Variants in STK32A observed in about 807,000 individuals in gnomAD.
The protein encoded by STK32A is serine/threonine-protein kinase 32A.
In STK32A, 41 loss-of-function variants were observed where a neutral mutation model predicts 53.2. That is an observed-to-expected ratio of 0.77 (90% CI 0.60 to 1.00). The LOEUF is 1.00. Among genes scored for constraint, STK32A ranks in the 50% least tolerant of loss-of-function variants. The pLI, the probability that STK32A is intolerant of heterozygous loss-of-function variation, is 0.00. For missense variants in STK32A, 458 were observed against 485.8 expected, an observed-to-expected ratio of 0.94 and a Z score of 0.54; for synonymous variants, 166 against 162.8, an observed-to-expected ratio of 1.02 and a Z score of -0.15.
At chr5:147,336,304 C>A (rs1034050749) in intron 5 of STK32A, among the ~76,000 whole-genome samples, 1 of 151,994 alleles carries the variant, frequency 6.6e-6, no homozygotes, top group Non-Finnish European at 1.5e-5. Context: ...AGCTTTGCTG[C>A]TACTCCAGCC....
intron 2 of STK32A, among the ~76,000 whole-genome samples, chr5:147,259,373 G>A (rs750209352): frequency 1.3e-5 from 2 of 152,028 alleles, no homozygotes; most frequent in East Asian, 1.9e-4. Flanking sequence ...CGGGCCATCC[G>A]CGGGTTACTG....
chr5:147,368,114 ATCTC>A (rs755427573), intron 8 of STK32A, among the ~76,000 whole-genome samples: 2 of 152,244 alleles, frequency 1.3e-5, no homozygotes, highest in Non-Finnish European at 2.9e-5. Flanking sequence ...CTGCTTTGTC[ATCTC>A]TCTAACTCCC....
intron 5 of STK32A, among the ~76,000 whole-genome samples, chr5:147,339,405 T>C (rs1755294608): frequency 6.6e-6 from 1 of 152,222 alleles, no homozygotes; most frequent in Non-Finnish European, 1.5e-5. Flanking sequence ...AGAGTTGTGC[T>C]ACATGGGCAG....
At chr5:147,313,472 A>AAAAGC (rs772484251) in intron 4 of STK32A, among the ~76,000 whole-genome samples, 26 of 152,344 alleles carry the variant, frequency 1.7e-4, no homozygotes, top group Non-Finnish European at 1.3e-4. Context: ...GTTAAGTGAA[A>AAAAGC]AAAGCACTGT....
At chr5:147,375,465 T>C (rs1274591763) in intron 11 of STK32A, 1 of 355,170 alleles carries the variant, frequency 2.8e-6, no homozygotes, top group Non-Finnish European at 5.0e-6. Context: ...ATTTCTCTCT[T>C]CCAGTTCTCA....
In STK32A at chr5:147,289,879, T is replaced by C. The variant is rs1048330757; in HGVS notation, c.260+10481T>C. On this transcript the variant is annotated intron_variant, in intron 4 of 12. Coordinates refer to ENST00000397936, the MANE Select transcript of STK32A (RefSeq NM_001112724.2). Reference sequence around the variant, plus strand: ...AATCATTCCTTCTTTCACCTATATGTTTACTGAGCATCGAAAACAAGTTAT... The same window carrying C: ...AATCATTCCTTCTTTCACCTATATGCTTACTGAGCATCGAAAACAAGTTAT... Among the ~76,000 whole-genome samples, 4 of 152,286 alleles carry C rather than the reference T, an allele frequency of 2.6e-5. 1 individual carries two copies. In the East Asian group the frequency reaches 7.7e-4, roughly 29 times the overall value.
chr5:147,361,951 T>C (rs1756525049), intron 8 of STK32A, among the ~76,000 whole-genome samples: 1 of 152,218 alleles, frequency 6.6e-6, no homozygotes, highest in African/African-American at 2.4e-5. Flanking sequence ...GCAGTCATAG[T>C]ACAGGACTCT....
At chr5:147,312,356 G>C (rs1008183438) in intron 4 of STK32A, among the ~76,000 whole-genome samples, 1 of 151,926 alleles carries the variant, frequency 6.6e-6, no homozygotes, top group East Asian at 1.9e-4. Context: ...CACCCACCTC[G>C]GCCTTCCAAA....
chr5:147,271,324 A>C (rs2151951472), intron 2 of STK32A, among the ~76,000 whole-genome samples: 4 of 152,222 alleles, frequency 2.6e-5, no homozygotes, highest in African/African-American at 9.6e-5. Context: ...GCCTGTCTTT[A>C]CTTTAATCTC....
At chr5:147,310,750 C>T (rs1049193791) in intron 4 of STK32A, among the ~76,000 whole-genome samples, 4 of 151,946 alleles carry the variant, frequency 2.6e-5, no homozygotes, top group Non-Finnish European at 4.4e-5. Flanking sequence ...CTGAGCATGC[C>T]GTCTTGGCTT....
chr5:147,261,324 C>T (rs1271141242), intron 2 of STK32A, among the ~76,000 whole-genome samples: 2 of 152,188 alleles, frequency 1.3e-5, no homozygotes, highest in South Asian at 2.1e-4. Context: ...CAATGGTAAG[C>T]GCACACTTGG....
chr5:147,266,857 C>T (rs1369706489), intron 2 of STK32A, among the ~76,000 whole-genome samples: 1 of 151,978 alleles, frequency 6.6e-6, no homozygotes, highest in Non-Finnish European at 1.5e-5. Context: ...AACCCTGCCT[C>T]TCCTAAAAAT....
At chr5:147,266,336 C>A (rs1754808379) in intron 2 of STK32A, among the ~76,000 whole-genome samples, 2 of 152,096 alleles carry the variant, frequency 1.3e-5, no homozygotes, top group Non-Finnish European at 2.9e-5. Context: ...GCAGAGAAAT[C>A]TGAAGCTGTA....
chr5:147,330,523 C>G (rs1754815182), intron 5 of STK32A, among the ~76,000 whole-genome samples: 1 of 152,202 alleles, frequency 6.6e-6, no homozygotes, highest in African/African-American at 2.4e-5. Flanking sequence ...GGTCACCGTA[C>G]ACAGTCTGTT....
At chr5:147,235,791 G>A (rs1753286605) in intron 1 of STK32A, among the ~76,000 whole-genome samples, 1 of 152,166 alleles carries the variant, frequency 6.6e-6, no homozygotes, top group Non-Finnish European at 1.5e-5. Flanking sequence ...CCGTGATTGT[G>A]GCTGTCTTTG....
chr5:147,396,830 C>T, the STK32A span, among the ~76,000 whole-genome samples: 1 of 148,654 alleles, frequency 6.7e-6, no homozygotes, highest in Non-Finnish European at 1.5e-5. Context: ...CATATATATA[C>T]AAACACATAT....
intron 2 of STK32A, among the ~76,000 whole-genome samples, chr5:147,251,320 C>G (rs1753986246): frequency 6.6e-6 from 1 of 152,172 alleles, no homozygotes; most frequent in Non-Finnish European, 1.5e-5. Context: ...AATTTGGAAG[C>G]AAATGATGTG....
the STK32A span, among the ~76,000 whole-genome samples, chr5:147,399,591 T>G: frequency 2.0e-5 from 3 of 152,344 alleles, no homozygotes; most frequent in South Asian, 2.1e-4. Flanking sequence ...GTGATTATAA[T>G]CCCATCCTTT....
intron 8 of STK32A, among the ~76,000 whole-genome samples, chr5:147,369,065 T>C (rs936753161): frequency 3.9e-5 from 6 of 152,152 alleles, no homozygotes; most frequent in Admixed American, 2.6e-4. Context: ...AAATTACCAA[T>C]AAACATTGAT....
Sources: gnomAD v4.1 joint callset for allele counts (sites outside exome capture counted in the v4.1 genomes callset) on GRCh38, gnomAD v4.1.1 for gene constraint, MANE v1.5 for transcripts, NCBI Gene and HGNC (gene_info 2026-07-23, HGNC 2026-07-21) for gene names.